Variants in FGF2 observed in about 807,000 individuals in gnomAD.
FGF2 encodes the protein basic fibroblast growth factor bFGF.
In FGF2, 13 loss-of-function variants were observed where a neutral mutation model predicts 15.9. The ratio of observed to expected loss-of-function variants is 0.82; its 90% confidence interval spans 0.53 to 1.30. The LOEUF (loss-of-function observed/expected upper bound fraction) is 1.30, where lower values mean the gene tolerates loss of function less well. Ranked by LOEUF, FGF2 falls within the 50% of genes most tolerant of loss-of-function variation. The pLI, the probability that FGF2 is intolerant of heterozygous loss-of-function variation, is 0.00. For missense variants in FGF2, 163 were observed against 196.9 expected, an observed-to-expected ratio of 0.83 and a Z score of 1.03; for synonymous variants, 90 against 78.4, an observed-to-expected ratio of 1.15 and a Z score of -0.78.
chr4:122,851,412 C>T (rs1289649812), intron 1 of FGF2, among the ~76,000 whole-genome samples: 1 of 152,036 alleles, frequency 6.6e-6, no homozygotes, highest in Non-Finnish European at 1.5e-5. Context: ...GTAGGTATGG[C>T]CAATAGAAAA....
intron 1 of FGF2, among the ~76,000 whole-genome samples, chr4:122,855,249 T>G (rs1371784790): frequency 6.6e-6 from 1 of 152,220 alleles, no homozygotes; most frequent in Non-Finnish European, 1.5e-5. Context: ...AGGAAGAATT[T>G]GCCAAGAAAA....
intron 1 of FGF2, among the ~76,000 whole-genome samples, chr4:122,847,614 TATC>T (rs1726139917): frequency 2.9e-5 from 4 of 136,062 alleles, no homozygotes; most frequent in African/African-American, 7.0e-5. Context: ...TCTATCTATC[TATC>T]TATCTATCTA....
chr4:122,842,761 A>G (rs1726016402), intron 1 of FGF2, among the ~76,000 whole-genome samples: 1 of 152,200 alleles, frequency 6.6e-6, no homozygotes, highest in African/African-American at 2.4e-5. Flanking sequence ...GGCTACTAGA[A>G]AGCCAAATAT....
intron 1 of FGF2, among the ~76,000 whole-genome samples, chr4:122,863,014 T>G (rs1049085416): frequency 1.2e-4 from 18 of 152,218 alleles, no homozygotes; most frequent in Admixed American, 7.9e-4. Flanking sequence ...TAGCACAGCC[T>G]TTTAAAAAAT....
chr4:122,867,113 A>G (rs1161084417), intron 1 of FGF2, among the ~76,000 whole-genome samples: 3 of 152,234 alleles, frequency 2.0e-5, no homozygotes, highest in Non-Finnish European at 2.9e-5. Context: ...ACAAATCTAT[A>G]CAGACAGGTT....
At chr4:122,838,623 A>T (rs1251836295) in intron 1 of FGF2, among the ~76,000 whole-genome samples, 1 of 152,224 alleles carries the variant, frequency 6.6e-6, no homozygotes, top group African/African-American at 2.4e-5. Context: ...AGAAATTTGA[A>T]CAGAAATAAT....
At chr4:122,848,384 C>G (rs542736138) in intron 1 of FGF2, among the ~76,000 whole-genome samples, 7 of 152,122 alleles carry the variant, frequency 4.6e-5, no homozygotes, top group Non-Finnish European at 1.0e-4. Context: ...TAATCTTATT[C>G]CAGAAGAAAG....
At chr4:122,879,856 A>G (rs750746586) in intron 2 of FGF2, among the ~76,000 whole-genome samples, 7 of 152,172 alleles carry the variant, frequency 4.6e-5, no homozygotes, top group South Asian at 2.1e-4. Flanking sequence ...CCATGATTCA[A>G]TTACCTCCCA....
At chr4:122,881,850 A>T (rs1726965896) in intron 2 of FGF2, 1 of 156,432 alleles carries the variant, frequency 6.4e-6, no homozygotes, top group Admixed American at 6.5e-5. Flanking sequence ...TGCTGCTGAT[A>T]AAAGACATAC....
chr4:122,878,730 T>C (rs1221705454), intron 2 of FGF2, among the ~76,000 whole-genome samples: 1 of 152,178 alleles, frequency 6.6e-6, no homozygotes, highest in African/African-American at 2.4e-5. Context: ...AAGCAAGTCA[T>C]GTTCTGATCC....
rs1727338534 is a variant in FGF2, at chr4:122,895,983, CAT to C, written c.*3589_*3590del. On this transcript the variant is annotated 3_prime_UTR_variant, in exon 3 of 3. Coordinates refer to ENST00000644866, the MANE Select transcript of FGF2 (RefSeq NM_001361665.2). ...TGAGTTAGAAATGCCTTCATATAGACATAGTCTTTCAGACCTCTACTGTCAGT... is the reference window on the plus strand; with the variant it reads ...TGAGTTAGAAATGCCTTCATATAGACAGTCTTTCAGACCTCTACTGTCAGT... 1 of 152,622 alleles carries C rather than the reference CAT, an allele frequency of 6.6e-6. No individual in the cohort carries two copies. Among genetic ancestry groups the C allele is most frequent in the South Asian group, 2.1e-4 (1 of 4,834 alleles). The allele number at this position is 152,622 out of a possible 1,614,324, so 9.5% of individuals were successfully genotyped here. A position where few individuals can be genotyped will look rare whatever the true frequency, so the allele number is the denominator to read the frequency against.
At chr4:122,867,252 C>A (rs1726620053) in intron 1 of FGF2, among the ~76,000 whole-genome samples, 1 of 152,212 alleles carries the variant, frequency 6.6e-6, no homozygotes, top group Admixed American at 6.5e-5. Flanking sequence ...GCACATTGAA[C>A]TGTATGCATG....
At chr4:122,887,850 A>G (rs1373928288) in intron 2 of FGF2, among the ~76,000 whole-genome samples, 1 of 152,192 alleles carries the variant, frequency 6.6e-6, no homozygotes, top group Non-Finnish European at 1.5e-5. Flanking sequence ...TTTTAGGTTT[A>G]TACCTTTTAG....
At chr4:122,891,034 TTGTTTTG>T (rs1727168540) in intron 2 of FGF2, among the ~76,000 whole-genome samples, 14 of 118,284 alleles carry the variant, frequency 1.2e-4, no homozygotes, top group South Asian at 3.1e-4. Context: ...TTTTTTTTTT[TTGTTTTG>T]TTTTGTTTTG....
intron 1 of FGF2, among the ~76,000 whole-genome samples, chr4:122,849,293 C>G (rs1195346278): frequency 1.3e-5 from 2 of 152,180 alleles, no homozygotes; most frequent in South Asian, 4.1e-4. Flanking sequence ...GAGTTCATGT[C>G]CTTTGCAGGG....
chr4:122,834,403 C>G (rs78382766), intron 1 of FGF2, among the ~76,000 whole-genome samples: 88 of 152,312 alleles, frequency 5.8e-4, no homozygotes, highest in Non-Finnish European at 1.1e-3. Context: ...TCTACATCAT[C>G]TCCTTTTCTT....
At chr4:122,888,351 G>C (rs1578481312) in intron 2 of FGF2, among the ~76,000 whole-genome samples, 1 of 152,048 alleles carries the variant, frequency 6.6e-6, no homozygotes, top group South Asian at 2.1e-4. Context: ...CCTTTAACTG[G>C]TCTAAGTCTG....
chr4:122,871,511 A>G (rs997933525), intron 1 of FGF2, among the ~76,000 whole-genome samples: 15 of 152,004 alleles, frequency 9.9e-5, no homozygotes, highest in African/African-American at 3.6e-4. Flanking sequence ...GTGCTTCATC[A>G]AACTGGTCCT....
At chr4:122,880,883 T>A (rs990220446) in intron 2 of FGF2, among the ~76,000 whole-genome samples, 4 of 152,188 alleles carry the variant, frequency 2.6e-5, no homozygotes, top group African/African-American at 7.2e-5. Context: ...TAGCAGAGGT[T>A]CTCCATGAGG....
Sources: allele counts gnomAD v4.1 joint callset (sites outside exome capture counted in the v4.1 genomes callset), GRCh38; gene constraint gnomAD v4.1.1; transcripts MANE v1.5; gene names NCBI Gene and HGNC (gene_info 2026-07-23, HGNC 2026-07-21).